The following FLT3 variants were observed in gnomAD, a reference collection of about 807,000 sequenced individuals.
FLT3 encodes the protein fms related receptor tyrosine kinase 3, also known as receptor-type tyrosine-protein kinase FLT3.
FLT3 carries 46 observed loss-of-function variants against 126.6 expected under a neutral mutation model. The ratio of observed to expected loss-of-function variants is 0.36; its 90% CI spans 0.29 to 0.46. FLT3 has a LOEUF of 0.46. Among genes scored for constraint, FLT3 ranks in the 20% least tolerant of loss-of-function variants. The pLI, the probability that FLT3 is intolerant of heterozygous loss-of-function variation, is 1.00. For missense variants in FLT3, 1,069 were observed against 1,190.3 expected (o/e 0.90, Z 1.50); for synonymous variants, 404 against 434.4 (o/e 0.93, Z 0.87).
At position 28,062,033 on chromosome 13, in the gene FLT3, T is replaced by C. The variant is rs201649330; in HGVS notation, c.202A>G (p.Arg68Gly). The C allele has an allele frequency of 4.1e-5, 66 of 1,612,630 alleles. No individual in the cohort carries two copies. The highest frequency in any genetic ancestry group is 5.3e-5 in the Non-Finnish European group (62 of 1,179,996). The change falls in exon 3 of 24, where the codon AGA (arginine) becomes GGA (glycine). Residue 68 changes from arginine to glycine, a missense_variant. By Grantham distance (125) the Arg-to-Gly change is moderately radical (BLOSUM62 -2). Transcript: ENST00000241453. Reference protein sequence around the residue: ...ESPEDLGCALRPQSSGTVYEA... With the variant: ...ESPEDLGCALGPQSSGTVYEA... ...TACACTGTCCCTGAGCTCTGGGGTC[T>C]CAACGCACACCCGAGGTCTTCCGGG...
chr13:28,049,668 G>A lies in FLT3; in HGVS notation c.849C>T (p.Leu283=), dbSNP rs1875253769. Residue 283 remains leucine, a synonymous_variant, in exon 7 of 24, where the codon CTC becomes CTT. Coordinates refer to ENST00000241453, the MANE Select transcript of FLT3 (RefSeq NM_004119.3). The stretch of plus-strand genomic sequence containing the variant: ...GTGCTTTGTTTTCTAATTCCCAGGT[G>A]AGCCCGAATCCATGGTTCACATGAA... ...KAVHVNHGFG[L]TWELENKALE... 4 of 1,614,132 alleles carry A rather than the reference G, an allele frequency of 2.5e-6. No individual in the cohort carries two copies. Among genetic ancestry groups the A allele is most frequent in the Non-Finnish European group, 3.4e-6 (4 of 1,180,008 alleles).
chr13:28,093,965 G>C (rs1035876068), intron 1 of FLT3, among the ~76,000 whole-genome samples: 3 of 152,130 alleles, frequency 2.0e-5, no homozygotes, highest in African/African-American at 7.2e-5. Context: ...GAGAGAGGCA[G>C]GCAAATCTTG....
At position 28,054,026 on chromosome 13, in the gene FLT3, A is replaced by G. The variant is rs556362671; in HGVS notation, c.485-1352T>C. On this transcript the variant is annotated intron_variant, in intron 4 of 23. Transcript: ENST00000241453. ...ACCACACCCGGCCACAGTTTTTTGT[A>G]TGATCAACCATGTGCTCTGAACATT... Among the ~76,000 whole-genome samples the G allele has an allele frequency of 2.0e-5, 3 of 152,238 alleles. No homozygotes were observed. The East Asian group carries it at 5.8e-4, about 29-fold the overall frequency.
chr13:28,026,962 C>T (rs1307455919), intron 17 of FLT3, 126 bp downstream of exon 17: 1 of 759,530 alleles, frequency 1.3e-6, no homozygotes, highest in Non-Finnish European at 2.2e-6. Flanking sequence ...TTCAGGAAAT[C>T]TCTAGGTTGC....
intron 23 of FLT3, among the ~76,000 whole-genome samples, chr13:28,012,315 G>C (rs991218960): frequency 2.0e-5 from 3 of 152,130 alleles, no homozygotes; most frequent in African/African-American, 7.2e-5. Flanking sequence ...ACACAGGAAA[G>C]GGGATCTGGA....
chr13:28,039,284 C>T (rs1168867853), intron 9 of FLT3, among the ~76,000 whole-genome samples: 2 of 152,050 alleles, frequency 1.3e-5, no homozygotes, highest in African/African-American at 2.4e-5. Context: ...TTATTGCAAC[C>T]TCTGCCTCCC....
chr13:28,045,130 G>C (rs2137713652), intron 9 of FLT3, among the ~76,000 whole-genome samples: 1 of 152,238 alleles, frequency 6.6e-6, no homozygotes, highest in Non-Finnish European at 1.5e-5. Context: ...ATGGATTGTA[G>C]CCATGGAATG....
Position 28,050,085 on chromosome 13 carries a change from A to G in FLT3, c.742+10T>C, listed in dbSNP as rs372277580. On this transcript the variant is annotated intron_variant, in intron 6 of 23. Coordinates refer to ENST00000241453, the MANE Select transcript of FLT3 (RefSeq NM_004119.3). ...ACTGAAAATGAAAGTGCATGATATT[A>G]TAGTGTTACCTATTGTGAACAGCCT... 1.1e-5 allele frequency: 18 copies of G among 1,613,648 alleles called. No homozygotes were observed. The African/African-American group carries it at 2.1e-4, about 19-fold the overall frequency.
In FLT3 at chr13:28,024,849, A is replaced by G; in HGVS notation, c.2290+12T>C. 1 of 1,556,182 alleles carries G rather than the reference A, an allele frequency of 6.4e-7. No homozygotes were observed. On this transcript the variant is annotated intron_variant, in intron 18 of 23. Coordinates refer to ENST00000241453, the MANE Select transcript of FLT3 (RefSeq NM_004119.3). ...CCATTTTAAAGTGCTACTACTTAGA[A>G]TAAAATATTACCTTCAGAGTGAAAT...
chr13:28,045,068 C>A (rs918586677), intron 9 of FLT3, among the ~76,000 whole-genome samples: 7 of 152,116 alleles, frequency 4.6e-5, no homozygotes, highest in Non-Finnish European at 8.8e-5. Flanking sequence ...AGGAGCTCAC[C>A]TAATTCATTC....
intron 9 of FLT3, among the ~76,000 whole-genome samples, chr13:28,041,074 T>G (rs904022975): frequency 3.9e-5 from 6 of 152,160 alleles, no homozygotes; most frequent in African/African-American, 1.4e-4. Flanking sequence ...CCTGACCTAT[T>G]TCTGGACAAC....
At chr13:28,045,677 T>G (rs112279439) in intron 9 of FLT3, among the ~76,000 whole-genome samples, 5,569 of 152,012 alleles carry the variant, frequency 0.037, 342 homozygotes, top group African/African-American at 0.13. Flanking sequence ...CTGGCCAACA[T>G]GAAGAAACCC....
At chr13:28,027,353 G>T in intron 16 of FLT3, 112 bp from the exon 17 acceptor site, 1 of 738,430 alleles carries the variant, frequency 1.4e-6, no homozygotes, top group African/African-American at 1.8e-5. Context: ...GCTGACTTGG[G>T]GACAGTACAA....
chr13:28,014,919 G>A (rs1871706123), intron 22 of FLT3, among the ~76,000 whole-genome samples: 1 of 152,138 alleles, frequency 6.6e-6, no homozygotes, highest in African/African-American at 2.4e-5. Flanking sequence ...CAGACAGCCA[G>A]GTGTGGTGGC....
At chr13:28,083,391 A>C (rs1043680067) in intron 1 of FLT3, among the ~76,000 whole-genome samples, 2 of 152,258 alleles carry the variant, frequency 1.3e-5, no homozygotes, top group Admixed American at 1.3e-4. Flanking sequence ...ATTGAATTCA[A>C]TTTGTTAAAA....
intron 1 of FLT3, among the ~76,000 whole-genome samples, chr13:28,089,221 T>C (rs1480303936): frequency 1.3e-5 from 2 of 152,204 alleles, no homozygotes; most frequent in Non-Finnish European, 2.9e-5. Flanking sequence ...GACGATGACC[T>C]TGAGCAAATG....
Position 28,037,257 on chromosome 13 carries a change from G to T in FLT3, c.1237C>A (p.Pro413Thr). Reference protein sequence around the residue: ...ISKFCNHKHQPGEYIFHAEND... With the variant: ...ISKFCNHKHQTGEYIFHAEND... ...TCTGCATGGAATATATATTCTCCTGGCTGGTGCTTATGATTGCAAAACTTG... is the reference window on the plus strand; with the variant it reads ...TCTGCATGGAATATATATTCTCCTGTCTGGTGCTTATGATTGCAAAACTTG... Residue 413 changes from proline (P) to threonine (T), a missense_variant, in exon 10 of 24, where the codon CCA (proline) becomes ACA (threonine). Coordinates refer to ENST00000241453, the MANE Select transcript of FLT3 (RefSeq NM_004119.3). 1 of 1,611,800 alleles carries T rather than the reference G, an allele frequency of 6.2e-7. No individual in the cohort carries two copies. Among genetic ancestry groups the T allele is most frequent in the Non-Finnish European group, 8.5e-7 (1 of 1,178,096 alleles).
intron 23 of FLT3, among the ~76,000 whole-genome samples, chr13:28,007,522 C>T (rs1871015256): frequency 6.6e-6 from 1 of 152,336 alleles, no homozygotes; most frequent in African/African-American, 2.4e-5. Context: ...GCTGGGATTA[C>T]AGGCGTGAGC....
intron 15 of FLT3, 56 bp from the exon 16 acceptor site, chr13:28,028,344 G>C (rs1021773908): frequency 2.2e-6 from 2 of 899,816 alleles, no homozygotes; most frequent in African/African-American, 3.3e-5. Context: ...CGAATTTTAT[G>C]TCATTAAATA....
Sources: allele counts gnomAD v4.1 joint callset (sites outside exome capture counted in the v4.1 genomes callset), GRCh38; gene constraint gnomAD v4.1.1; transcripts MANE v1.5; gene names NCBI Gene and HGNC (gene_info 2026-07-23, HGNC 2026-07-21).